EPB41L4B: variants seen among roughly 807,000 people sequenced by gnomAD.
The protein encoded by EPB41L4B is band 4.1-like protein 4B.
EPB41L4B carries 30 observed loss-of-function variants against 112.5 expected under a neutral mutation model. The observed-to-expected ratio is 0.27, with a 90% CI of 0.20 to 0.36. The LOEUF (loss-of-function observed/expected upper bound fraction) is 0.36. Ranked by LOEUF, EPB41L4B falls within the 10% of genes least tolerant of loss-of-function variation. The pLI is 1.00. For missense variants in EPB41L4B, 1,024 were observed against 1,133.3 expected, an observed-to-expected ratio of 0.90 and a Z score of 1.38; for synonymous variants, 408 against 439.7, an observed-to-expected ratio of 0.93 and a Z score of 0.90.
At chr9:109,251,695 T>C (rs922189230) in intron 12 of EPB41L4B, among the ~76,000 whole-genome samples, 184 bp from the exon 13 acceptor site, 1 of 152,220 alleles carries the variant, frequency 6.6e-6, no homozygotes, top group African/African-American at 2.4e-5. Flanking sequence ...CTCCCTCTGA[T>C]TCACTCAGCA....
chr9:109,201,684 G>A (rs1349236852), intron 19 of EPB41L4B, among the ~76,000 whole-genome samples: 2 of 152,106 alleles, frequency 1.3e-5, no homozygotes, highest in East Asian at 1.9e-4. Context: ...TCCAGATGGA[G>A]CGAAGACCAC....
At chr9:109,195,485 C>T (rs1278127100) in intron 20 of EPB41L4B, among the ~76,000 whole-genome samples, 10 of 152,134 alleles carry the variant, frequency 6.6e-5, no homozygotes, top group African/African-American at 2.4e-4. Context: ...TGAATAAGTA[C>T]ATGGAAAAAT....
At chr9:109,228,339 G>T (rs1416394355) in intron 15 of EPB41L4B, among the ~76,000 whole-genome samples, 1 of 152,016 alleles carries the variant, frequency 6.6e-6, no homozygotes, top group Non-Finnish European at 1.5e-5. Flanking sequence ...CCTCAGTATT[G>T]CACTCCAGCT....
At chr9:109,185,733 G>A (rs896106195) in intron 22 of EPB41L4B, 128 bp from the exon 23 acceptor site, 2 of 644,800 alleles carry the variant, frequency 3.1e-6, no homozygotes, top group African/African-American at 1.9e-5. Flanking sequence ...ACTCCAGACT[G>A]TTCTCAAGCC....
chr9:109,241,567 C>A (rs954305360), intron 15 of EPB41L4B: 2 of 1,563,312 alleles, frequency 1.3e-6, no homozygotes, highest in Non-Finnish European at 1.7e-6. Flanking sequence ...CTTAAAGACA[C>A]TCGTCCAAAC....
chr9:109,234,706 T>A (rs1053937048), intron 15 of EPB41L4B, among the ~76,000 whole-genome samples: 1 of 152,154 alleles, frequency 6.6e-6, no homozygotes, highest in South Asian at 2.1e-4. Context: ...TCTACAAAAA[T>A]TTTTTAAAAA....
intron 24 of EPB41L4B, among the ~76,000 whole-genome samples, chr9:109,180,254 C>T (rs957299498): frequency 6.6e-6 from 1 of 152,150 alleles, no homozygotes; most frequent in Non-Finnish European, 1.5e-5. Context: ...CTTAAAAGTC[C>T]CAGCATGGTT....
At chr9:109,210,940 T>C (rs1268861894) in intron 17 of EPB41L4B, among the ~76,000 whole-genome samples, 1 of 152,222 alleles carries the variant, frequency 6.6e-6, no homozygotes, top group Non-Finnish European at 1.5e-5. Flanking sequence ...TTATTATAGT[T>C]GGAAATAGTC....
At position 109,312,325 on chromosome 9, in the gene EPB41L4B, C is replaced by G. The variant is rs546137759; in HGVS notation, c.306+7816G>C. 1.3e-5 allele frequency among the ~76,000 whole-genome samples: 2 copies of G among 152,194 alleles called. 1 individual carries two copies. Among genetic ancestry groups the G allele is most frequent in the South Asian group, 4.2e-4 (2 of 4,816 alleles). On this transcript the variant is annotated intron_variant, in intron 1 of 25. Coordinates refer to ENST00000374566, the MANE Select transcript of EPB41L4B (RefSeq NM_019114.5). ...TCTACTAAGCACTTTTTAAAAACAT[C>G]ACCTACTTCTGATCTGAGTGTTGAA...
chr9:109,198,465 A>G (rs534737679), intron 20 of EPB41L4B, among the ~76,000 whole-genome samples: 12 of 152,304 alleles, frequency 7.9e-5, no homozygotes, highest in African/African-American at 2.6e-4. Context: ...CCAAGAGCTT[A>G]CAGCTGTAAA....
intron 15 of EPB41L4B, among the ~76,000 whole-genome samples, chr9:109,238,098 T>C (rs759246913): frequency 1.3e-5 from 2 of 152,142 alleles, no homozygotes; most frequent in Non-Finnish European, 2.9e-5. Context: ...ACTCTAAGCC[T>C]GAGCTTCCCT....
chr9:109,196,937 T>A (rs1172490027), intron 20 of EPB41L4B, among the ~76,000 whole-genome samples: 1 of 152,182 alleles, frequency 6.6e-6, no homozygotes, highest in Admixed American at 6.5e-5. Flanking sequence ...TGGAGCAACC[T>A]AAAATCTGAC....
At chr9:109,286,927 C>T (rs1836308775) in intron 1 of EPB41L4B, among the ~76,000 whole-genome samples, 1 of 152,192 alleles carries the variant, frequency 6.6e-6, no homozygotes, top group Non-Finnish European at 1.5e-5. Context: ...ACACAGTAGA[C>T]TCCAGAGAGC....
Position 109,213,960 on chromosome 9 carries a change from G to A in EPB41L4B, c.1634-142C>T. ...CCAGCAGCTCTCATGCCTTCAGTAT[G>A]CATCAGCTGATAGGGTGTGAGAATA... On this transcript the variant is annotated intron_variant, in intron 16 of 25. Coordinates refer to ENST00000374566, the MANE Select transcript of EPB41L4B (RefSeq NM_019114.5). 4 of 681,806 alleles carry A rather than the reference G, an allele frequency of 5.9e-6. No homozygotes were observed. The South Asian group carries it at 7.1e-5, about 12-fold the overall frequency. The allele number at this position is 681,806 out of a possible 1,614,324, so 42.2% of individuals were successfully genotyped here. A position where few individuals can be genotyped will look rare whatever the true frequency, so the allele number is the denominator to read the frequency against.
rs964257526 is a variant in EPB41L4B, at chr9:109,268,447, A to G, written c.412-14T>C. The G allele has an allele frequency of 3.1e-6, 5 of 1,605,460 alleles. No homozygotes were observed. In the African/African-American group the frequency reaches 6.7e-5, roughly 22 times the overall value. On this transcript the variant is annotated splice_polypyrimidine_tract_variant and intron_variant, in intron 2 of 25. Coordinates refer to ENST00000374566, the MANE Select transcript of EPB41L4B (RefSeq NM_019114.5). ...ATCCAGCCAGTGCTGAAAGAAAGAA[A>G]AAAAGTTTCTTTAGGAATAGTTCAT... is the stretch of plus-strand genomic sequence containing the variant.
chr9:109,192,593 G>A (rs944431862), intron 21 of EPB41L4B, among the ~76,000 whole-genome samples: 7 of 152,110 alleles, frequency 4.6e-5, no homozygotes, highest in African/African-American at 1.2e-4. Flanking sequence ...GCTGCGGGCC[G>A]CTTTTCTTAA....
intron 2 of EPB41L4B, among the ~76,000 whole-genome samples, chr9:109,269,453 T>C (rs1179526990): frequency 6.6e-6 from 1 of 152,202 alleles, no homozygotes; most frequent in Non-Finnish European, 1.5e-5. Flanking sequence ...TTAACTTCCA[T>C]GGAGAACTGC....
Position 109,253,373 on chromosome 9 carries a change from A to G in EPB41L4B, c.1279+68T>C, listed in dbSNP as rs146083441. On this transcript the variant is annotated intron_variant, in intron 12 of 25. Transcript: ENST00000374566. ...ACTTTCTTCATAAGCTGCTTGACCA[A>G]GCTCCTCGAGGGCTTAAATGACTCA... 263 of 1,107,900 alleles carry G rather than the reference A, an allele frequency of 2.4e-4. No individual in the cohort carries two copies. The African/African-American group carries it at 3.8e-3, about 16-fold the overall frequency. The allele number at this position is 1,107,900 out of a possible 1,614,324, so 68.6% of individuals were successfully genotyped here.
intron 18 of EPB41L4B, among the ~76,000 whole-genome samples, chr9:109,206,322 A>T (rs1189950437): frequency 6.6e-6 from 1 of 152,078 alleles, no homozygotes; most frequent in Non-Finnish European, 1.5e-5. Flanking sequence ...TAGTAGGATT[A>T]TAGGCATGCA....
Sources: gnomAD v4.1 joint callset for allele counts (sites outside exome capture counted in the v4.1 genomes callset) on GRCh38, gnomAD v4.1.1 for gene constraint, MANE v1.5 for transcripts, NCBI Gene and HGNC (gene_info 2026-07-23, HGNC 2026-07-21) for gene names.